NRDC: variants seen among roughly 807,000 people sequenced by gnomAD.
NRDC encodes the protein nardilysin convertase, also known as nardilysin.
NRDC carries 54 observed loss-of-function variants against 147.1 expected under a neutral mutation model. The observed-to-expected ratio is 0.37, with a 90% CI of 0.29 to 0.46. The LOEUF is 0.46. Among genes scored for constraint, NRDC ranks in the 20% least tolerant of loss-of-function variants. The pLI is 1.00. For missense variants in NRDC, 1,082 were observed against 1,370.6 expected, an observed-to-expected ratio of 0.79 and a Z score of 3.33; for synonymous variants, 440 against 482.1, an observed-to-expected ratio of 0.91 and a Z score of 1.14.
chr1:51,800,798 G>T (rs1378667369), intron 20 of NRDC, 115 bp from the exon 21 acceptor site: 1 of 999,952 alleles, frequency 1.0e-6, no homozygotes, highest in Non-Finnish European at 1.5e-6. Flanking sequence ...AGGCATTGTG[G>T]GGGGACATAA....
chr1:51,847,631 C>T (rs1367527158), intron 1 of NRDC, among the ~76,000 whole-genome samples: 1 of 152,222 alleles, frequency 6.6e-6, no homozygotes, highest in Non-Finnish European at 1.5e-5. Flanking sequence ...GTGCTAAGCC[C>T]CTCACTGCCA....
rs1184053248 is a variant in NRDC at position 51,803,835 on chromosome 1, T to C, written c.2292A>G (p.Lys764=). ...AGEHGLIIRV[K]GFNHKLPLLF... is the part of the protein sequence containing the mutation. ...TTACAGGTAGTTTGTGGTTAAATCC[T>C]TTCACTCGAATAATTAAACCATGTT... The change falls in exon 20 of 31, where the codon AAA becomes AAG. Residue 764 remains lysine (K), a synonymous_variant. Coordinates refer to ENST00000352171, the MANE Select transcript of NRDC (RefSeq NM_001101662.2). 1.9e-6 allele frequency: 3 copies of C among 1,613,456 alleles called. No homozygotes were observed. Among genetic ancestry groups the C allele is most frequent in the East Asian group, 2.2e-5 (1 of 44,864 alleles).
intron 1 of NRDC, 137 bp downstream of exon 1, chr1:51,878,138 C>T: frequency 7.1e-7 from 1 of 1,418,086 alleles, no homozygotes; most frequent in Non-Finnish European, 9.3e-7. Flanking sequence ...CGCTTGCCAC[C>T]TCCACCCAAG....
chr1:51,805,404 T>C, intron 19 of NRDC, 106 bp downstream of exon 19: 2 of 829,706 alleles, frequency 2.4e-6, no homozygotes, highest in Non-Finnish European at 1.9e-6. Context: ...ATCAGCAACA[T>C]AGCTCAAATA....
chr1:51,864,244 G>A (rs555104024), intron 1 of NRDC, among the ~76,000 whole-genome samples: 137 of 152,146 alleles, frequency 9.0e-4, no homozygotes, highest in African/African-American at 2.8e-3. Flanking sequence ...ATATATTGGC[G>A]GTACCTAGCT....
intron 1 of NRDC, 37 bp from the exon 2 acceptor site, chr1:51,840,551 A>G: frequency 1.4e-6 from 2 of 1,449,406 alleles, no homozygotes; most frequent in Non-Finnish European, 1.9e-6. Context: ...ATTTTGATTC[A>G]GCTGTTCTTT....
At chr1:51,827,954 G>A in intron 4 of NRDC, 85 bp from the exon 5 acceptor site, 1 of 1,036,744 alleles carries the variant, frequency 9.6e-7, no homozygotes, top group South Asian at 1.4e-5. Flanking sequence ...AACTTACTAA[G>A]TTGGAGATTT....
At chr1:51,814,839 A>C in intron 11 of NRDC, 26 bp from the exon 12 acceptor site, 1 of 1,548,768 alleles carries the variant, frequency 6.5e-7, no homozygotes, top group Non-Finnish European at 8.7e-7. Flanking sequence ...AAATTAACCC[A>C]ATCAATGTTC....
intron 1 of NRDC, among the ~76,000 whole-genome samples, chr1:51,854,764 C>T (rs1477014695): frequency 6.6e-6 from 1 of 152,174 alleles, no homozygotes; most frequent in Admixed American, 6.5e-5. Flanking sequence ...TCTCTAACAA[C>T]AACAAAAATA....
At chr1:51,871,092 G>A (rs1008793088) in intron 1 of NRDC, among the ~76,000 whole-genome samples, 1 of 152,056 alleles carries the variant, frequency 6.6e-6, no homozygotes, top group Non-Finnish European at 1.5e-5. Context: ...TGAGACAGGT[G>A]GATCACCTGA....
chr1:51,841,376 C>T (rs1201170869), intron 1 of NRDC, among the ~76,000 whole-genome samples: 1 of 152,048 alleles, frequency 6.6e-6, no homozygotes, highest in African/African-American at 2.4e-5. Context: ...GGCACGATCT[C>T]AGCTCACTGC....
At chr1:51,798,008 A>G (rs1320475047) in intron 22 of NRDC, 1 of 442,654 alleles carries the variant, frequency 2.3e-6, no homozygotes, top group Non-Finnish European at 4.1e-6. Flanking sequence ...GACCTTAAGT[A>G]ATGCTTCTGC....
chr1:51,812,961 CAA>C (rs5774107), intron 14 of NRDC, among the ~76,000 whole-genome samples: 1,117 of 71,826 alleles, frequency 0.016, 13 homozygotes, highest in South Asian at 0.12. Flanking sequence ...GACTCTGTCT[CAA>C]AAAAAAAAAA....
At chr1:51,794,704 A>T in intron 23 of NRDC, 94 bp from the exon 24 acceptor site, 1 of 1,585,432 alleles carries the variant, frequency 6.3e-7, no homozygotes, top group Non-Finnish European at 8.6e-7. Context: ...CCAGCCTCAA[A>T]AAAATCTACT....
chr1:51,810,738 ATTATT>A (rs1224362767), intron 15 of NRDC, among the ~76,000 whole-genome samples: 1 of 152,216 alleles, frequency 6.6e-6, no homozygotes, highest in African/African-American at 2.4e-5. Context: ...TTTAACATAC[ATTATT>A]TCATTTATTC....
rs932823725 is a variant in NRDC, at chr1:51,831,926, C to CA, written c.866+2090dup. 4.7e-3 allele frequency among the ~76,000 whole-genome samples: 676 copies of CA among 143,710 alleles called. 2 individuals carry two copies. Among genetic ancestry groups the CA allele is most frequent in the Non-Finnish European group, 8.0e-3 (522 of 65,426 alleles). 94.3% of individuals were successfully genotyped at this position (143,710 alleles called of 152,430 possible). ...CTGGGCAACAGAGTGAGACTGTCTC[C>CA]AAAAAAAAAATAAATAAATAGTGGC... On this transcript the variant is annotated intron_variant, in intron 4 of 30. Transcript: ENST00000352171.
intron 11 of NRDC, 89 bp downstream of exon 11, chr1:51,816,223 T>C: frequency 1.5e-6 from 1 of 659,930 alleles, no homozygotes; most frequent in South Asian, 4.2e-5. Context: ...TCCTGGCAGC[T>C]AAAGTAAAAG....
At chr1:51,825,143 G>A (rs1011748123) in intron 6 of NRDC, 144 bp downstream of exon 6, 20 of 606,090 alleles carry the variant, frequency 3.3e-5, no homozygotes, top group Admixed American at 1.0e-4. Flanking sequence ...TAACAACTTC[G>A]CGTTTGAAAG....
intron 1 of NRDC, among the ~76,000 whole-genome samples, chr1:51,841,272 G>T (rs940195029): frequency 4.6e-5 from 7 of 151,996 alleles, no homozygotes; most frequent in Admixed American, 2.6e-4. Flanking sequence ...TGATGACTAG[G>T]TATCTATTAC....
Sources: gnomAD v4.1 joint callset for allele counts (sites outside exome capture counted in the v4.1 genomes callset) on GRCh38, gnomAD v4.1.1 for gene constraint, MANE v1.5 for transcripts, NCBI Gene and HGNC (gene_info 2026-07-23, HGNC 2026-07-21) for gene names.